The following TBCD variants were observed in gnomAD, a reference collection of about 807,000 sequenced individuals.
TBCD encodes tubulin-specific chaperone D.
TBCD carries 105 observed loss-of-function variants against 169.3 expected under a neutral mutation model. That is an observed-to-expected ratio of 0.62 (90% CI 0.53 to 0.73). The LOEUF (loss-of-function observed/expected upper bound fraction) is 0.73. Among genes scored for constraint, TBCD ranks in the 30% least tolerant of loss-of-function variants. The probability of loss-of-function intolerance (pLI) is 0.00; values close to 1 mark genes in which losing one functional copy is unlikely to be tolerated. For missense variants in TBCD, 1,444 were observed against 1,600.1 expected, an observed-to-expected ratio of 0.90 and a Z score of 1.66; for synonymous variants, 700 against 643.9, an observed-to-expected ratio of 1.09 and a Z score of -1.32.
rs2063385376 is a variant in TBCD at position 82,942,341 on chromosome 17, A to G, written c.3565-108A>G. 3.9e-6 allele frequency: 6 copies of G among 1,520,890 alleles called. No homozygotes were observed. The East Asian group carries it at 9.0e-5, about 23-fold the overall frequency. The allele number at this position is 1,520,890 out of a possible 1,614,324, so 94.2% of individuals were successfully genotyped here. ...GGAAACGGCACAAATGGTTTCCTGC[A>G]GGAACCGTGTCAGTCCCCACACAGG... On this transcript the variant is annotated intron_variant, in intron 38 of 38. Coordinates refer to ENST00000355528, the MANE Select transcript of TBCD (RefSeq NM_005993.5).
At chr17:82,896,800 G>A (rs1032436278) in intron 17 of TBCD, among the ~76,000 whole-genome samples, 2 of 152,114 alleles carry the variant, frequency 1.3e-5, no homozygotes, top group East Asian at 1.9e-4. Flanking sequence ...GGCTTTCGGC[G>A]TGATGGTGCC....
At chr17:82,867,644 C>A (rs138222233) in intron 13 of TBCD, among the ~76,000 whole-genome samples, 2 of 152,314 alleles carry the variant, frequency 1.3e-5, no homozygotes, top group African/African-American at 4.8e-5. Context: ...TGGTTTAGTT[C>A]GGATCGAGGT....
chr17:82,759,205 A>G (rs1327532475), intron 2 of TBCD, among the ~76,000 whole-genome samples: 1 of 151,636 alleles, frequency 6.6e-6, no homozygotes, highest in Non-Finnish European at 1.5e-5. Flanking sequence ...TTTTTTGGCC[A>G]GGCGCAGTAG....
chr17:82,919,427 A>G (rs1206029782), intron 23 of TBCD, among the ~76,000 whole-genome samples: 1 of 152,200 alleles, frequency 6.6e-6, no homozygotes, highest in African/African-American at 2.4e-5. Flanking sequence ...GAGATTGAGA[A>G]TAAACGTCTG....
chr17:82,786,531 C>T (rs1402264465), intron 7 of TBCD, among the ~76,000 whole-genome samples: 3 of 152,216 alleles, frequency 2.0e-5, no homozygotes, highest in Admixed American at 6.5e-5. Context: ...CCTCCTCTGC[C>T]GTCCCCACCC....
intron 27 of TBCD, 145 bp from the exon 28 acceptor site, chr17:82,926,255 C>T (rs2061754014): frequency 4.1e-6 from 3 of 728,494 alleles, no homozygotes; most frequent in South Asian, 1.7e-5. Context: ...TACCAGGGGC[C>T]ATGGATGGCC....
Position 82,903,425 on chromosome 17 carries a change from C to T in TBCD, c.1751C>T (p.Ala584Val), listed in dbSNP as rs747729228. The change falls in exon 19 of 39, where the codon GCG (alanine) becomes GTG (valine). Residue 584 changes from alanine (A) to valine (V), a missense_variant. Physicochemically the swap from Ala to Val is moderately conservative, Grantham distance 64. Coordinates refer to ENST00000355528, the MANE Select transcript of TBCD (RefSeq NM_005993.5). This position sits in a 1 kb window ranked among gnomAD's most constrained non-coding sequence, Gnocchi z 4.8. ...HWDGVIRELAARALHNLAQQA... is the reference protein window; with the variant it reads ...HWDGVIRELAVRALHNLAQQA... ...CTCAGGGTCATCCGAGAGTTGGCTG[C>T]GAGGGCGCTGCACAACCTGGCCCAG... The T allele has an allele frequency of 5.4e-5, 87 of 1,603,828 alleles. 1 individual carries two copies. In the Admixed American group the frequency reaches 1.2e-3, roughly 22 times the overall value.
chr17:82,886,536 AT>A (rs1456310968), intron 15 of TBCD, among the ~76,000 whole-genome samples: 11 of 150,694 alleles, frequency 7.3e-5, no homozygotes, highest in Non-Finnish European at 1.5e-4. Context: ...AACTGAGAAG[AT>A]TTTAAATCTT....
chr17:82,927,071 C>T, intron 28 of TBCD, 115 bp from the exon 29 acceptor site: 1 of 1,464,112 alleles, frequency 6.8e-7, no homozygotes, highest in Non-Finnish European at 9.3e-7. Context: ...ACCCGAGGGT[C>T]CTGGACTGTT....
intron 13 of TBCD, among the ~76,000 whole-genome samples, chr17:82,816,123 T>C (rs1318855632): frequency 6.6e-6 from 1 of 152,218 alleles, no homozygotes; most frequent in Non-Finnish European, 1.5e-5. Flanking sequence ...ATTTGTCTTT[T>C]ATAGACATTT....
Position 82,942,472 on chromosome 17 carries a change from C to A in TBCD, c.*9C>A, listed in dbSNP as rs572989736. The A allele has an allele frequency of 6.2e-7, 1 of 1,613,994 alleles. No individual in the cohort carries two copies. Among genetic ancestry groups the A allele is most frequent in the Admixed American group, 1.7e-5 (1 of 60,026 alleles). On this transcript the variant is annotated 3_prime_UTR_variant, in exon 39 of 39. Transcript: ENST00000355528. Reference sequence around the variant, plus strand: ...AGCCTGGTGCCTGCTGAAGCCAGTCCTGGAGCCCATACCTCACCCCTGCCT... The same window carrying A: ...AGCCTGGTGCCTGCTGAAGCCAGTCATGGAGCCCATACCTCACCCCTGCCT...
intron 17 of TBCD, among the ~76,000 whole-genome samples, chr17:82,899,389 C>T (rs946597153): frequency 1.0e-4 from 15 of 146,796 alleles, no homozygotes; most frequent in Non-Finnish European, 2.2e-4. Context: ...GTCCTCAGCA[C>T]GCGTGTCCTC....
In TBCD at chr17:82,782,131, G is replaced by T. The variant is rs74643815; in HGVS notation, c.771+410G>T. Among the ~76,000 whole-genome samples, 6,334 of 152,330 alleles carry T rather than the reference G, an allele frequency of 0.042. 250 individuals carry two copies. The highest frequency in any genetic ancestry group is 0.11 in the African/African-American group (4,389 of 41,552). ...GGGCTCGGGTTGGATGTTCCTGACTGCTTCGTTGGGACACAGACCCTGGCC... is the reference window on the plus strand; with the variant it reads ...GGGCTCGGGTTGGATGTTCCTGACTTCTTCGTTGGGACACAGACCCTGGCC... On this transcript the variant is annotated intron_variant, in intron 7 of 38. Coordinates refer to ENST00000355528, the MANE Select transcript of TBCD (RefSeq NM_005993.5). This position sits in a 1 kb window ranked among gnomAD's most constrained non-coding sequence, Gnocchi z 5.1.
intron 18 of TBCD, among the ~76,000 whole-genome samples, chr17:82,901,239 T>G (rs1567994118): frequency 6.6e-6 from 1 of 152,218 alleles, no homozygotes; most frequent in Non-Finnish European, 1.5e-5. Context: ...GTCTGGAGCA[T>G]AAACAGCGCG....
chr17:82,767,953 C>CAA (rs1197656847), intron 4 of TBCD, among the ~76,000 whole-genome samples: 3 of 131,878 alleles, frequency 2.3e-5, no homozygotes, highest in African/African-American at 8.3e-5. Flanking sequence ...GACTCCATCT[C>CAA]AAAAAAAAAA....
chr17:82,924,752 A>C (rs1449399211), intron 26 of TBCD, among the ~76,000 whole-genome samples, 187 bp from the exon 27 acceptor site: 3 of 151,826 alleles, frequency 2.0e-5, no homozygotes, highest in African/African-American at 7.3e-5. Context: ...GACTCTCTCA[A>C]AAAAAAAATT....
At chr17:82,787,171 T>TATGCTGGCAAAGAGTGAGGC (rs2049378562) in intron 7 of TBCD, among the ~76,000 whole-genome samples, 1 of 152,172 alleles carries the variant, frequency 6.6e-6, no homozygotes, top group Non-Finnish European at 1.5e-5. Context: ...CCCCCCGGCA[T>TATGCTGGCAAAGAGTGAGGC]ATGCTGGCAA....
intron 6 of TBCD, among the ~76,000 whole-genome samples, chr17:82,779,939 T>C (rs1179439577): frequency 6.6e-6 from 1 of 152,126 alleles, no homozygotes; most frequent in Non-Finnish European, 1.5e-5. Context: ...GAGGTGGCCT[T>C]GTGGCTGTTG....
At chr17:82,899,748 C>A (rs1049295263) in intron 17 of TBCD, among the ~76,000 whole-genome samples, 2 of 152,220 alleles carry the variant, frequency 1.3e-5, no homozygotes, top group Non-Finnish European at 2.9e-5. Flanking sequence ...TTCACCAGAA[C>A]GTATGCAGCC....
Sources: allele counts gnomAD v4.1 joint callset (sites outside exome capture counted in the v4.1 genomes callset), GRCh38; gene constraint gnomAD v4.1.1; non-coding constraint Gnocchi (gnomAD v3.1); transcripts MANE v1.5; gene names NCBI Gene and HGNC (gene_info 2026-07-23, HGNC 2026-07-21).